MPPED1: variants seen among roughly 807,000 people sequenced by gnomAD.
MPPED1 encodes the protein metallophosphoesterase domain containing 1.
Under a neutral mutation model 36.2 loss-of-function variants are expected in MPPED1, and 16 were observed. The ratio of observed to expected loss-of-function variants is 0.44; its 90% CI spans 0.30 to 0.67. The LOEUF is 0.67. MPPED1 is among the 30% of genes least tolerant of loss of function. The probability of loss-of-function intolerance (pLI) is 0.10; values close to 1 mark genes in which losing one functional copy is unlikely to be tolerated. For missense variants in MPPED1, 307 were observed against 453.4 expected (o/e 0.68, Z 2.93); for synonymous variants, 199 against 191.3 (o/e 1.04, Z -0.33).
At chr22:43,436,367 G>A (rs953970459) in intron 3 of MPPED1, among the ~76,000 whole-genome samples, 4 of 152,238 alleles carry the variant, frequency 2.6e-5, no homozygotes, top group African/African-American at 9.6e-5. Flanking sequence ...CAGTTGGCTG[G>A]GACTGCACAA....
intron 4 of MPPED1, among the ~76,000 whole-genome samples, chr22:43,483,313 G>A (rs1021522189): frequency 2.6e-5 from 4 of 152,232 alleles, no homozygotes; most frequent in Non-Finnish European, 5.9e-5. Flanking sequence ...GGCCGGCCCC[G>A]AGGCAGCCCC....
intron 2 of MPPED1, among the ~76,000 whole-genome samples, chr22:43,431,258 G>C (rs901947737): frequency 1.3e-5 from 2 of 151,828 alleles, no homozygotes; most frequent in Non-Finnish European, 2.9e-5. Flanking sequence ...GGCCAGGCTG[G>C]TCTTGAACTC....
intron 4 of MPPED1, among the ~76,000 whole-genome samples, chr22:43,486,253 G>A (rs552543135): frequency 2.0e-5 from 3 of 152,354 alleles, no homozygotes; most frequent in Non-Finnish European, 4.4e-5. Flanking sequence ...CCTCACTGGG[G>A]TGCTGGCAGT....
chr22:43,448,428 T>A (rs1569073600), intron 3 of MPPED1, among the ~76,000 whole-genome samples: 1 of 152,190 alleles, frequency 6.6e-6, no homozygotes, highest in Non-Finnish European at 1.5e-5. Context: ...GGACCACACA[T>A]CTAGACATCC....
chr22:43,427,519 C>T (rs1929520231), intron 2 of MPPED1, among the ~76,000 whole-genome samples: 1 of 152,138 alleles, frequency 6.6e-6, no homozygotes, highest in Non-Finnish European at 1.5e-5. Context: ...CCACAGGCCC[C>T]TGCAGGCCGG....
At chr22:43,440,752 G>A (rs1032061658) in intron 3 of MPPED1, among the ~76,000 whole-genome samples, 9 of 152,042 alleles carry the variant, frequency 5.9e-5, no homozygotes, top group Admixed American at 5.9e-4. Context: ...ACAGCCTGAG[G>A]ACCCTGCGCC....
chr22:43,447,859 TTATA>T (rs1238294657), intron 3 of MPPED1, among the ~76,000 whole-genome samples: 3 of 62,526 alleles, frequency 4.8e-5, no homozygotes, highest in Admixed American at 2.7e-4. Context: ...TATGTAAATA[TTATA>T]TATATATATA....
At chr22:43,482,417 C>T (rs570808981) in intron 4 of MPPED1, among the ~76,000 whole-genome samples, 1 of 152,220 alleles carries the variant, frequency 6.6e-6, no homozygotes, top group South Asian at 2.1e-4. Flanking sequence ...AGGGCTGGAC[C>T]TCAAGGCCAG....
intron 2 of MPPED1, among the ~76,000 whole-genome samples, chr22:43,430,925 C>A (rs1418275225): frequency 6.6e-6 from 1 of 150,876 alleles, no homozygotes. Flanking sequence ...TCTACTGGCC[C>A]ATATTAAGAA....
chr22:43,496,179 A>AGGT (rs1365078594), intron 4 of MPPED1, among the ~76,000 whole-genome samples: 1 of 27,562 alleles, frequency 3.6e-5, no homozygotes. Flanking sequence ...GTGATGGTGG[A>AGGT]GGTGGTGGTG....
chr22:43,483,476 G>T (rs1232442636), intron 4 of MPPED1, among the ~76,000 whole-genome samples: 3 of 152,278 alleles, frequency 2.0e-5, no homozygotes, highest in African/African-American at 7.2e-5. Flanking sequence ...TGGACTGCCA[G>T]CTTCTCTGCA....
rs969866023 is a variant in MPPED1 at position 43,498,195 on chromosome 22, T to G, written c.633-40T>G. Reference sequence around the variant, plus strand: ...GCATTCCCTCTGACCACCCTGTACTTTCACCCGCCCTCCCTCAAACACCTG... The same window carrying G: ...GCATTCCCTCTGACCACCCTGTACTGTCACCCGCCCTCCCTCAAACACCTG... On this transcript the variant is annotated intron_variant, in intron 4 of 6. Transcript: ENST00000443721. 2.3e-5 allele frequency: 34 copies of G among 1,496,164 alleles called. No homozygotes were observed. The African/African-American group carries it at 4.6e-4, about 20-fold the overall frequency. The allele number at this position is 1,496,164 out of a possible 1,614,324, so 92.7% of individuals were successfully genotyped here.
chr22:43,433,034 A>C (rs571789855), intron 2 of MPPED1, among the ~76,000 whole-genome samples: 2 of 152,052 alleles, frequency 1.3e-5, no homozygotes, highest in African/African-American at 4.8e-5. Context: ...CCCAGTAGCA[A>C]TTGGCTGCCC....
intron 1 of MPPED1, chr22:43,417,767 C>G (rs1010631990): frequency 3.9e-6 from 1 of 254,190 alleles, no homozygotes; most frequent in Non-Finnish European, 7.9e-6. Flanking sequence ...TTCTCTGCAT[C>G]GCCCTGAGCC....
At chr22:43,455,773 G>A (rs79546217) in intron 3 of MPPED1, among the ~76,000 whole-genome samples, 8,507 of 152,266 alleles carry the variant, frequency 0.056, 291 homozygotes, top group Non-Finnish European at 0.067. Context: ...AAGATAATGT[G>A]CCCTTTCCTC....
intron 1 of MPPED1, among the ~76,000 whole-genome samples, chr22:43,415,025 G>C (rs981891421): frequency 6.6e-6 from 1 of 152,102 alleles, no homozygotes; most frequent in African/African-American, 2.4e-5. Context: ...GGGTGGCAGG[G>C]AGAAGAGGGG....
chr22:43,490,252 T>G (rs1932041616), intron 4 of MPPED1, among the ~76,000 whole-genome samples: 1 of 152,152 alleles, frequency 6.6e-6, no homozygotes, highest in South Asian at 2.1e-4. Context: ...GCTCCCCAAA[T>G]GGGCAAGGGT....
At chr22:43,487,319 C>T (rs1931943925) in intron 4 of MPPED1, among the ~76,000 whole-genome samples, 1 of 152,178 alleles carries the variant, frequency 6.6e-6, no homozygotes, top group Non-Finnish European at 1.5e-5. Flanking sequence ...TGAACTAGCA[C>T]AAGCAAAACC....
chr22:43,455,727 G>A (rs1930731098), intron 3 of MPPED1, among the ~76,000 whole-genome samples: 1 of 152,172 alleles, frequency 6.6e-6, no homozygotes, highest in South Asian at 2.1e-4. Flanking sequence ...TCTCCATGTT[G>A]AATGATCAGC....
Sources: allele counts gnomAD v4.1 joint callset (sites outside exome capture counted in the v4.1 genomes callset), GRCh38; gene constraint gnomAD v4.1.1; transcripts MANE v1.5; gene names NCBI Gene and HGNC (gene_info 2026-07-23, HGNC 2026-07-21).